PDE11A: variants seen among roughly 807,000 people sequenced by gnomAD.
PDE11A encodes dual 3',5'-cyclic-AMP and -GMP phosphodiesterase 11A.
Under a neutral mutation model 100.5 loss-of-function variants are expected in PDE11A, and 100 were observed. The ratio of observed to expected loss-of-function variants is 1.00; its 90% CI spans 0.85 to 1.18. PDE11A has a LOEUF of 1.18. Among genes scored for constraint, PDE11A ranks in the 50% most tolerant of loss-of-function variants. PDE11A has a pLI of 0.00. For missense variants in PDE11A, 1,141 were observed against 1,152.6 expected, an observed-to-expected ratio of 0.99 and a Z score of 0.15; for synonymous variants, 381 against 420.8, an observed-to-expected ratio of 0.91 and a Z score of 1.16.
intron 10 of PDE11A, among the ~76,000 whole-genome samples, chr2:177,737,420 T>TACACACACACTCACACAC (rs2081804400): frequency 9.1e-6 from 1 of 110,434 alleles, no homozygotes; most frequent in African/African-American, 2.8e-5. Context: ...CTACTAAAAA[T>TACACACACACTCACACAC]ACACACACAC....
At position 177,894,074 on chromosome 2, in the gene PDE11A, G is replaced by A. The variant is rs537306950; in HGVS notation, c.1302+3984C>T. On this transcript the variant is annotated intron_variant, in intron 4 of 19. Transcript: ENST00000286063. ...AGTTGATATTGAATGTGGGGGCAGA[G>A]ATAAACAGTTTCCTGTTTATCCTGG... Among the ~76,000 whole-genome samples the A allele has an allele frequency of 7.9e-5, 12 of 152,282 alleles. No homozygotes were observed. The South Asian group carries it at 1.7e-3, about 21-fold the overall frequency.
intron 9 of PDE11A, among the ~76,000 whole-genome samples, chr2:177,793,998 T>C (rs1416116823): frequency 6.6e-6 from 1 of 152,166 alleles, no homozygotes; most frequent in Non-Finnish European, 1.5e-5. Context: ...TTGTAGGTGC[T>C]AGGGATACAT....
intron 18 of PDE11A, among the ~76,000 whole-genome samples, chr2:177,666,476 T>A (rs1022346810): frequency 6.6e-6 from 1 of 152,238 alleles, no homozygotes; most frequent in Admixed American, 6.5e-5. Flanking sequence ...ATTGACAAAC[T>A]GTTTTTCAAA....
intron 9 of PDE11A, among the ~76,000 whole-genome samples, chr2:177,779,280 C>A (rs1463067415): frequency 2.6e-5 from 4 of 152,176 alleles, no homozygotes; most frequent in Non-Finnish European, 5.9e-5. Context: ...GGTGGAGGGT[C>A]TTGCTTGAAT....
intron 2 of PDE11A, among the ~76,000 whole-genome samples, chr2:178,101,932 A>C (rs2087563649): frequency 6.6e-6 from 1 of 152,066 alleles, no homozygotes; most frequent in Admixed American, 6.5e-5. Context: ...GTACTTTATC[A>C]ATTATGTATT....
intron 9 of PDE11A, among the ~76,000 whole-genome samples, chr2:177,801,617 A>G (rs1179074868): frequency 1.3e-5 from 2 of 152,164 alleles, no homozygotes; most frequent in East Asian, 3.8e-4. Flanking sequence ...CTTATTTTTT[A>G]AACAATGGTG....
chr2:177,680,729 T>A (rs1390689119), intron 16 of PDE11A, 97 bp downstream of exon 16: 1 of 675,132 alleles, frequency 1.5e-6, no homozygotes, highest in Non-Finnish European at 2.7e-6. Flanking sequence ...ATTTGTTACT[T>A]TAAAAATCAC....
At chr2:178,066,744 G>A (rs985173684) in intron 1 of PDE11A, among the ~76,000 whole-genome samples, 22 of 152,200 alleles carry the variant, frequency 1.4e-4, no homozygotes, top group Non-Finnish European at 2.9e-5. Flanking sequence ...ACCCAGAGCT[G>A]GCAGCAGCAT....
intron 2 of PDE11A, among the ~76,000 whole-genome samples, chr2:178,008,835 G>A (rs762187040): frequency 1.3e-5 from 2 of 152,098 alleles, no homozygotes; most frequent in Non-Finnish European, 2.9e-5. Flanking sequence ...AGCTTTATGG[G>A]GTGGCGGAAC....
At chr2:177,903,427 T>C (rs889665429) in intron 3 of PDE11A, among the ~76,000 whole-genome samples, 5 of 152,214 alleles carry the variant, frequency 3.3e-5, no homozygotes, top group East Asian at 1.9e-4. Flanking sequence ...TGTTTTCTTA[T>C]CTAATATGTA....
chr2:177,997,703 G>A (rs1446790236), intron 2 of PDE11A: 2 of 1,553,376 alleles, frequency 1.3e-6, no homozygotes, highest in Non-Finnish European at 1.8e-6. Flanking sequence ...AAATCTGGAA[G>A]TTTTTGGCCC....
chr2:177,835,750 C>T (rs557664682), intron 6 of PDE11A, among the ~76,000 whole-genome samples: 14 of 152,258 alleles, frequency 9.2e-5, no homozygotes, highest in East Asian at 3.9e-4. Flanking sequence ...GTGGGCTCCG[C>T]GGGCCCTGCA....
chr2:177,716,247 G>A (rs936357664), intron 12 of PDE11A, among the ~76,000 whole-genome samples: 1 of 152,192 alleles, frequency 6.6e-6, no homozygotes, highest in Admixed American at 6.5e-5. Context: ...TCCAGCTACA[G>A]AGAGGGGATG....
chr2:177,883,760 C>T (rs927419770), intron 4 of PDE11A, among the ~76,000 whole-genome samples: 1 of 152,098 alleles, frequency 6.6e-6, no homozygotes, highest in Admixed American at 6.6e-5. Flanking sequence ...TGGTGAGGCA[C>T]CCAGGCACTA....
intron 17 of PDE11A, among the ~76,000 whole-genome samples, chr2:177,671,686 T>G (rs544096812): frequency 6.6e-6 from 1 of 152,206 alleles, no homozygotes; most frequent in East Asian, 1.9e-4. Context: ...AAAACACGGT[T>G]TTGTGTTTTA....
chr2:177,658,151 C>T (rs1299180051), intron 19 of PDE11A, among the ~76,000 whole-genome samples: 3 of 152,220 alleles, frequency 2.0e-5, no homozygotes, highest in Non-Finnish European at 2.9e-5. Context: ...AAAGACCCAA[C>T]AGGCAAGATG....
At chr2:177,648,911 A>G (rs1025560861) in intron 19 of PDE11A, among the ~76,000 whole-genome samples, 4 of 152,136 alleles carry the variant, frequency 2.6e-5, no homozygotes, top group African/African-American at 9.6e-5. Flanking sequence ...GTGAGCTCCT[A>G]TGGATCAGTA....
intron 1 of PDE11A, among the ~76,000 whole-genome samples, chr2:178,036,686 CG>C (rs1213499664): frequency 6.6e-6 from 1 of 151,818 alleles, no homozygotes; most frequent in African/African-American, 2.4e-5. Flanking sequence ...CATAGACCAA[CG>C]GAACGAAAGG....
At chr2:177,871,247 T>C (rs2084125786) in intron 5 of PDE11A, among the ~76,000 whole-genome samples, 1 of 152,006 alleles carries the variant, frequency 6.6e-6, no homozygotes, top group Non-Finnish European at 1.5e-5. Context: ...CTCGGGGTTG[T>C]TTAGGGGCTA....
Sources: allele counts gnomAD v4.1 joint callset (sites outside exome capture counted in the v4.1 genomes callset), GRCh38; gene constraint gnomAD v4.1.1; transcripts MANE v1.5; gene names NCBI Gene and HGNC (gene_info 2026-07-23, HGNC 2026-07-21).